NKAIN3: variants seen among roughly 807,000 people sequenced by gnomAD.
NKAIN3 encodes the protein sodium/potassium-transporting ATPase subunit beta-1-interacting protein 3.
A neutral mutation model predicts 30.2 loss-of-function variants in NKAIN3; 25 were observed. The observed-to-expected ratio is 0.83, with a 90% CI of 0.60 to 1.16. NKAIN3 has a LOEUF of 1.16. Among genes scored for constraint, NKAIN3 ranks in the 50% most tolerant of loss-of-function variants. The pLI, the probability that NKAIN3 is intolerant of heterozygous loss-of-function variation, is 0.00. For missense variants in NKAIN3, 225 were observed against 254.1 expected (o/e 0.89, Z 0.78); for synonymous variants, 91 against 89.6 (o/e 1.02, Z -0.09).
intron 6 of NKAIN3, among the ~76,000 whole-genome samples, chr8:62,964,345 G>T (rs1230816154): frequency 1.3e-5 from 2 of 152,148 alleles, no homozygotes; most frequent in African/African-American, 4.8e-5. Flanking sequence ...TATGTAGTAG[G>T]TACTGTGTTG....
rs145029494 is a variant in NKAIN3, at chr8:62,967,688, C to T, written c.*2281C>T. 5.5e-4 allele frequency among the ~76,000 whole-genome samples: 84 copies of T among 152,036 alleles called. No homozygotes were observed. Among genetic ancestry groups the T allele is most frequent in the African/African-American group, 1.9e-3 (77 of 41,496 alleles). On this transcript the variant is annotated 3_prime_UTR_variant, in exon 7 of 7. Coordinates refer to ENST00000623646, the MANE Select transcript of NKAIN3 (RefSeq NM_001304533.3). ...CCAATAATTATTGTTAGTATTGTTA[C>T]GATTATTGAAAAAGCTGATAAAACA... is the stretch of plus-strand genomic sequence containing the variant.
intron 4 of NKAIN3, among the ~76,000 whole-genome samples, chr8:62,838,392 C>A (rs1158172231): frequency 6.6e-6 from 1 of 151,590 alleles, no homozygotes; most frequent in Non-Finnish European, 1.5e-5. Context: ...CACTGAACAC[C>A]AGAGGAGTTA....
intron 3 of NKAIN3, among the ~76,000 whole-genome samples, chr8:62,616,534 C>A (rs1322363145): frequency 4.6e-5 from 7 of 152,158 alleles, no homozygotes; most frequent in African/African-American, 1.7e-4. Context: ...CCACGGGCAG[C>A]ACTTTGATGT....
chr8:62,709,883 C>T (rs1296069548), intron 3 of NKAIN3, among the ~76,000 whole-genome samples: 6 of 151,876 alleles, frequency 4.0e-5, no homozygotes, highest in East Asian at 1.9e-4. Flanking sequence ...CTCTTAGCAC[C>T]GCCTTTGCTG....
chr8:62,802,285 C>T (rs1050806784), intron 4 of NKAIN3, among the ~76,000 whole-genome samples: 1 of 152,134 alleles, frequency 6.6e-6, no homozygotes, highest in Non-Finnish European at 1.5e-5. Flanking sequence ...AAAGATACTC[C>T]TCGAGAAGAG....
intron 4 of NKAIN3, among the ~76,000 whole-genome samples, chr8:62,876,761 A>G (rs1820806645): frequency 6.6e-6 from 1 of 152,102 alleles, no homozygotes; most frequent in Admixed American, 6.5e-5. Flanking sequence ...TGAGTTGAAC[A>G]TTGAGAACTC....
intron 4 of NKAIN3, among the ~76,000 whole-genome samples, chr8:62,880,939 A>T (rs1261794149): frequency 6.6e-6 from 1 of 152,210 alleles, no homozygotes; most frequent in East Asian, 1.9e-4. Context: ...ACATATGCAC[A>T]GCTTTCCCCA....
chr8:62,690,981 A>G (rs1019529607), intron 3 of NKAIN3, among the ~76,000 whole-genome samples: 14 of 152,156 alleles, frequency 9.2e-5, no homozygotes, highest in African/African-American at 2.9e-4. Flanking sequence ...TATGAAAACA[A>G]CGATTTGTTC....
At chr8:62,836,174 G>A (rs747132616) in intron 4 of NKAIN3, among the ~76,000 whole-genome samples, 4 of 151,858 alleles carry the variant, frequency 2.6e-5, no homozygotes, top group South Asian at 2.1e-4. Flanking sequence ...AAACACTAAC[G>A]GAATACCAGA....
chr8:62,287,088 C>T lies in NKAIN3; in HGVS notation c.54+37961C>T, dbSNP rs531630539. 2.7e-5 allele frequency among the ~76,000 whole-genome samples: 4 copies of T among 149,940 alleles called. No homozygotes were observed. The South Asian group carries it at 8.6e-4, about 32-fold the overall frequency. On this transcript the variant is annotated intron_variant, in intron 1 of 6. Coordinates refer to ENST00000623646, the MANE Select transcript of NKAIN3 (RefSeq NM_001304533.3). ...TGGGACATTCCTTTATATCCATGCC[C>T]TGATTTTTGCAGACCAAATCAGGGC...
intron 4 of NKAIN3, among the ~76,000 whole-genome samples, chr8:62,755,083 A>G (rs78947545): frequency 5.9e-5 from 9 of 152,240 alleles, no homozygotes; most frequent in African/African-American, 1.9e-4. Context: ...CTTTTCAAAT[A>G]TGAACTCACT....
intron 1 of NKAIN3, among the ~76,000 whole-genome samples, chr8:62,500,480 AGAAAGAAGAAAAGAAAGAAAGAAAGAAG>A (rs1563427490): frequency 1.4e-5 from 2 of 139,348 alleles, no homozygotes; most frequent in African/African-American, 2.7e-5. Context: ...AAAGAAAGAA[AGAAAGAAGAAAAGAAAGAAAGAAAGAAG>A]GAAAGAAAGA....
intron 4 of NKAIN3, among the ~76,000 whole-genome samples, chr8:62,902,818 A>G (rs1252796713): frequency 6.6e-6 from 1 of 152,228 alleles, no homozygotes; most frequent in Non-Finnish European, 1.5e-5. Context: ...ACACTTAGAA[A>G]AGTCCTACAT....
chr8:62,818,811 A>G (rs971206681), intron 4 of NKAIN3, among the ~76,000 whole-genome samples: 2 of 152,102 alleles, frequency 1.3e-5, no homozygotes, highest in Non-Finnish European at 2.9e-5. Context: ...TATACAGGCT[A>G]GATCCTAAAG....
chr8:62,701,649 C>T (rs778488729), intron 3 of NKAIN3, among the ~76,000 whole-genome samples: 5 of 152,114 alleles, frequency 3.3e-5, no homozygotes, highest in Non-Finnish European at 7.4e-5. Context: ...AATGATGTGA[C>T]GTATACAATT....
At chr8:62,369,993 G>T (rs890468410) in intron 1 of NKAIN3, among the ~76,000 whole-genome samples, 1 of 152,020 alleles carries the variant, frequency 6.6e-6, no homozygotes, top group East Asian at 1.9e-4. Context: ...CCAATACCTA[G>T]ATTTCTTTTT....
chr8:62,828,189 C>T (rs979312705), intron 4 of NKAIN3, among the ~76,000 whole-genome samples: 1 of 151,992 alleles, frequency 6.6e-6, no homozygotes, highest in East Asian at 1.9e-4. Context: ...CTTTTTTTCA[C>T]ATTCTAGAAA....
intron 1 of NKAIN3, among the ~76,000 whole-genome samples, chr8:62,515,160 T>A (rs1277820126): frequency 6.6e-6 from 1 of 152,140 alleles, no homozygotes; most frequent in Non-Finnish European, 1.5e-5. Flanking sequence ...TTATGCTACA[T>A]TTTAAGAAAA....
chr8:62,799,092 A>G lies in NKAIN3; in HGVS notation c.471+51963A>G, dbSNP rs117498569. Among the ~76,000 whole-genome samples, 740 of 152,282 alleles carry G rather than the reference A, an allele frequency of 4.9e-3. 26 individuals are homozygous for G. Among genetic ancestry groups the G allele is most frequent in the Admixed American group, 0.039 (593 of 15,292 alleles). On this transcript the variant is annotated intron_variant, in intron 4 of 6. Transcript: ENST00000623646. Reference sequence around the variant, plus strand: ...TAAATGTTTTCTTTATCAAGTTTAAATTGTTGTTGGGACTGGAAATGGAGG... The same window carrying G: ...TAAATGTTTTCTTTATCAAGTTTAAGTTGTTGTTGGGACTGGAAATGGAGG...
Sources: gnomAD v4.1 joint callset for allele counts (sites outside exome capture counted in the v4.1 genomes callset) on GRCh38, gnomAD v4.1.1 for gene constraint, MANE v1.5 for transcripts, NCBI Gene and HGNC (gene_info 2026-07-23, HGNC 2026-07-21) for gene names.